The following NBPF20 variants were observed in gnomAD, a reference collection of about 807,000 sequenced individuals.
The protein encoded by NBPF20 is NBPF family member NBPF20.
Under a neutral mutation model 68.1 loss-of-function variants are expected in NBPF20, and 90 were observed. That is an observed-to-expected ratio of 1.32 (90% CI 1.11 to 1.58). The LOEUF (loss-of-function observed/expected upper bound fraction) is 1.58, where lower values mean the gene tolerates loss of function less well. Among genes scored for constraint, NBPF20 ranks in the 40% most tolerant of loss-of-function variants. The pLI is 0.00. For missense variants in NBPF20, 816 were observed against 601.2 expected (o/e 1.36, Z -3.74); for synonymous variants, 290 against 228.1 (o/e 1.27, Z -2.45).
upstream of NBPF20, chr1:145,405,820 G>A (rs1234820169): frequency 4.1e-6 from 1 of 244,150 alleles, no homozygotes; most frequent in Non-Finnish European, 7.8e-6. Context: ...CATCATCAAG[G>A]CAGAAACAGT....
intron 5 of NBPF20, 59 bp downstream of exon 10, chr1:145,401,000 C>T: frequency 1.3e-6 from 2 of 1,529,866 alleles, no homozygotes; most frequent in Non-Finnish European, 1.8e-6. Context: ...GAGGGTGTGC[C>T]TCCTAGATAT....
At chr1:145,393,680 T>C (rs1485018275) in intron 9 of NBPF20, 50 of 1,397,934 alleles carry the variant, frequency 3.6e-5, no homozygotes, top group Non-Finnish European at 4.6e-5. Flanking sequence ...TGGTCAACTT[T>C]CACTAGGTTA....
At chr1:145,393,855 A>G (rs1192165402) in intron 9 of NBPF20, 29 bp downstream of exon 14, 9 of 1,536,718 alleles carry the variant, frequency 5.9e-6, no homozygotes, top group South Asian at 1.1e-5. Context: ...TCAACATCAA[A>G]TTAACTCTCC....
the NBPF20 span, among the ~76,000 whole-genome samples, chr1:145,419,230 A>AG: frequency 2.2e-4 from 34 of 151,626 alleles, no homozygotes; most frequent in Admixed American, 2.0e-3. Flanking sequence ...GAAGTAGGGA[A>AG]GGAGAGAAGT....
chr1:145,400,217 G>A (rs1475390874), intron 6 of NBPF20, among the ~76,000 whole-genome samples, 172 bp downstream of exon 11: 1 of 152,142 alleles, frequency 6.6e-6, no homozygotes. Flanking sequence ...ACTGGGGACT[G>A]GCAGACAAAG....
At chr1:145,291,740 T>A (rs202158625) in exon 138 of NBPF20, 238 of 1,611,912 alleles carry the variant, frequency 1.5e-4, no homozygotes, top group Middle Eastern at 6.8e-4. Flanking sequence ...GACTTCAGGC[T>A]CTTCCACTTC....
chr1:145,423,564 T>A, the NBPF20 span, among the ~76,000 whole-genome samples: 2 of 151,048 alleles, frequency 1.3e-5, no homozygotes, highest in African/African-American at 2.4e-5. Context: ...AGGACACATA[T>A]CCGGAAAAAA....
intron 13 of NBPF20, among the ~76,000 whole-genome samples, chr1:145,390,419 G>A (rs1185534972): frequency 4.1e-5 from 1 of 24,598 alleles, no homozygotes; most frequent in East Asian, 1.6e-3. Context: ...CACTGATGAG[G>A]GAGTAACAGG....
chr1:145,413,493 A>G, the NBPF20 span, among the ~76,000 whole-genome samples: 1 of 152,218 alleles, frequency 6.6e-6, no homozygotes, highest in South Asian at 2.1e-4. Context: ...AACTTTTGAC[A>G]CACAAAACAA....
At chr1:145,334,876 C>T (rs1294010230) in intron 83 of NBPF20, among the ~76,000 whole-genome samples, 16 of 137,544 alleles carry the variant, frequency 1.2e-4, no homozygotes, top group Non-Finnish European at 6.7e-5. Context: ...GTAAGCTCAG[C>T]GAGTTGGCCG....
intron 112 of NBPF20, among the ~76,000 whole-genome samples, chr1:145,311,810 C>T (rs1382110320): frequency 1.0e-5 from 1 of 95,514 alleles, no homozygotes; most frequent in Non-Finnish European, 2.0e-5. Flanking sequence ...AGAAAAACTG[C>T]ACTATTCAGC....
chr1:145,401,576 G>A (rs1252689425), intron 4 of NBPF20, among the ~76,000 whole-genome samples: 5 of 129,472 alleles, frequency 3.9e-5, no homozygotes, highest in African/African-American at 5.5e-5. Flanking sequence ...CTTCTGCTGT[G>A]TTCTTCAGGG....
chr1:145,415,222 A>C, the NBPF20 span, among the ~76,000 whole-genome samples: 3 of 151,610 alleles, frequency 2.0e-5, no homozygotes, highest in Non-Finnish European at 4.4e-5. Context: ...TCAATGCCTT[A>C]AAGAGCAGTA....
chr1:145,394,603 A>G (rs1571362701), intron 8 of NBPF20, among the ~76,000 whole-genome samples: 1 of 152,130 alleles, frequency 6.6e-6, no homozygotes, highest in Admixed American at 6.5e-5. Context: ...ATGCTTTGGG[A>G]ACAAAACTCA....
intron 133 of NBPF20, 78 bp from the exon 139 acceptor site, chr1:145,295,032 A>T: frequency 3.7e-6 from 1 of 271,270 alleles, no homozygotes; most frequent in Non-Finnish European, 6.2e-6. Flanking sequence ...TTCATGGCTA[A>T]CATAAGGAAC....
chr1:145,424,904 G>A, the NBPF20 span, among the ~76,000 whole-genome samples: 1 of 152,182 alleles, frequency 6.6e-6, no homozygotes, highest in African/African-American at 2.4e-5. Flanking sequence ...CCAGCCTGGA[G>A]AAACCGCCAG....
At chr1:145,291,302 C>A (rs1661059782) in exon 138 of NBPF20, 4 of 682,218 alleles carry the variant, frequency 5.9e-6, no homozygotes, top group South Asian at 3.8e-5. Flanking sequence ...TCACTCCCGG[C>A]ATGTGCTGCA....
chr1:145,291,958 G>A (rs1398859702), intron 137 of NBPF20, among the ~76,000 whole-genome samples, 189 bp from the exon 143 acceptor site: 24 of 151,054 alleles, frequency 1.6e-4, no homozygotes, highest in African/African-American at 4.5e-4. Context: ...CAATGAAAGA[G>A]AAAGACAGAG....
intron 8 of NBPF20, among the ~76,000 whole-genome samples, chr1:145,394,762 C>A (rs1385563448): frequency 6.6e-6 from 1 of 152,090 alleles, no homozygotes; most frequent in Admixed American, 6.5e-5. Flanking sequence ...TTGGCACGGG[C>A]ATGGCCTGAG....
Sources: allele counts gnomAD v4.1 joint callset (sites outside exome capture counted in the v4.1 genomes callset), GRCh38; gene constraint gnomAD v4.1.1; transcripts MANE v1.5; gene names NCBI Gene and HGNC (gene_info 2026-07-23, HGNC 2026-07-21).